Variants in RNF145 observed in about 807,000 individuals in gnomAD.
RNF145 encodes ring finger protein 145.
A neutral mutation model predicts 57.3 loss-of-function variants in RNF145; 12 were observed. That is an observed-to-expected ratio of 0.21 (90% CI 0.13 to 0.34). The LOEUF is 0.34. Among genes scored for constraint, RNF145 ranks in the 10% least tolerant of loss-of-function variants. The pLI, the probability that RNF145 is intolerant of heterozygous loss-of-function variation, is 1.00. For synonymous variants in RNF145, 262 were observed against 288.3 expected, an observed-to-expected ratio of 0.91 and a Z score of 0.92; for missense variants, 429 against 799.0, an observed-to-expected ratio of 0.54 and a Z score of 5.58.
intron 4 of RNF145, among the ~76,000 whole-genome samples, chr5:159,177,871 G>A (rs1315782523): frequency 1.3e-5 from 2 of 151,878 alleles, no homozygotes; most frequent in African/African-American, 2.4e-5. Flanking sequence ...TAACAGCACT[G>A]AACATTATCA....
intron 6 of RNF145, among the ~76,000 whole-genome samples, chr5:159,173,602 A>C (rs1420049187): frequency 1.3e-5 from 2 of 152,216 alleles, no homozygotes; most frequent in Non-Finnish European, 2.9e-5. Flanking sequence ...GGTCGTTGTA[A>C]AGATTAATGT....
chr5:159,209,778 A>G, upstream of RNF145: 1 of 1,403,776 alleles, frequency 7.1e-7, no homozygotes, highest in Non-Finnish European at 9.7e-7. Flanking sequence ...GCGCACTGTG[A>G]CAGGCGCCAT....
In RNF145 at chr5:159,162,995, C is replaced by T; in HGVS notation, c.1206G>A (p.Gln402=). The change falls in exon 9 of 11, where the codon CAG becomes CAA. Residue 402 remains glutamine, a synonymous_variant. Transcript: ENST00000424310. ...GAAGCCAAAAATCCATGTGGAAAAA[C>T]TGGCAAATCATATAAGCCATATAAG... ...FPAYMAYMIC[Q]FFHMDFWLLI... is the part of the protein sequence containing the mutation. The T allele has an allele frequency of 5.6e-6, 9 of 1,613,218 alleles. No individual in the cohort carries two copies. The highest frequency in any genetic ancestry group is 6.8e-6 in the Non-Finnish European group (8 of 1,179,692).
intron 3 of RNF145, among the ~76,000 whole-genome samples, chr5:159,193,749 A>C (rs1427374694): frequency 6.6e-6 from 1 of 152,202 alleles, no homozygotes; most frequent in African/African-American, 2.4e-5. Flanking sequence ...CAACAATGTA[A>C]TTCTAATAAT....
Position 159,187,148 on chromosome 5 carries a change from G to C in RNF145, c.294-5097C>G, listed in dbSNP as rs1180076047. 4.2e-5 allele frequency among the ~76,000 whole-genome samples: 6 copies of C among 143,262 alleles called. No homozygotes were observed. The East Asian group carries it at 1.1e-3, about 27-fold the overall frequency. 94.0% of individuals were successfully genotyped at this position (143,262 alleles called of 152,430 possible). ...ATACAAAAAATTAGCCAGGCGTGGTGGTGGGCACCTGTAATCCCAGCTATT... is the reference window on the plus strand; with the variant it reads ...ATACAAAAAATTAGCCAGGCGTGGTCGTGGGCACCTGTAATCCCAGCTATT... On this transcript the variant is annotated intron_variant, in intron 3 of 10. Transcript: ENST00000424310.
intron 1 of RNF145, among the ~76,000 whole-genome samples, chr5:159,205,978 C>G (rs1469681): frequency 0.054 from 8,291 of 152,202 alleles, 246 homozygotes; most frequent in Middle Eastern, 0.092. Flanking sequence ...GGAAGAAAAA[C>G]TCCCTAATCC....
intron 1 of RNF145, among the ~76,000 whole-genome samples, chr5:159,208,596 T>G (rs1229689264): frequency 6.6e-6 from 1 of 152,010 alleles, no homozygotes; most frequent in African/African-American, 2.4e-5. Context: ...AAAAATGGAC[T>G]GGCAGGCCCT....
intron 2 of RNF145, 77 bp from the exon 3 acceptor site, chr5:159,194,901 C>T: frequency 9.5e-7 from 1 of 1,055,736 alleles, no homozygotes; most frequent in South Asian, 1.6e-5. Flanking sequence ...GAGCTTGAGA[C>T]AAATAATTTT....
intron 3 of RNF145, among the ~76,000 whole-genome samples, chr5:159,187,851 C>A (rs992771144): frequency 2.0e-5 from 3 of 152,140 alleles, no homozygotes; most frequent in Admixed American, 6.5e-5. Context: ...CAGCCCCAAT[C>A]TACAACTTTG....
At chr5:159,201,506 A>G (rs1334167583) in intron 2 of RNF145, among the ~76,000 whole-genome samples, 1 of 152,208 alleles carries the variant, frequency 6.6e-6, no homozygotes, top group Non-Finnish European at 1.5e-5. Context: ...TGCCAACGTA[A>G]AATGCAATCG....
intron 8 of RNF145, among the ~76,000 whole-genome samples, chr5:159,168,408 T>C (rs369596248): frequency 6.6e-6 from 1 of 152,184 alleles, no homozygotes; most frequent in African/African-American, 2.4e-5. Context: ...TGTTTTTCCA[T>C]AAATGTCTAT....
intron 2 of RNF145, among the ~76,000 whole-genome samples, chr5:159,201,990 T>G (rs1022896665): frequency 3.3e-5 from 5 of 152,164 alleles, no homozygotes; most frequent in African/African-American, 1.2e-4. Context: ...CAAAGGTAAC[T>G]CCAACCAAAA....
chr5:159,170,662 A>AT (rs950262376), intron 6 of RNF145, among the ~76,000 whole-genome samples: 1 of 152,166 alleles, frequency 6.6e-6, no homozygotes. Flanking sequence ...TGGTACAATC[A>AT]TAACTCACTG....
At chr5:159,203,868 A>G (rs1169785699) in intron 1 of RNF145, among the ~76,000 whole-genome samples, 2 of 152,184 alleles carry the variant, frequency 1.3e-5, no homozygotes, top group Non-Finnish European at 2.9e-5. Context: ...GTCCAATCTT[A>G]TAATTCTGAT....
intron 1 of RNF145, among the ~76,000 whole-genome samples, chr5:159,205,992 C>A (rs1283521824): frequency 6.6e-6 from 1 of 152,156 alleles, no homozygotes; most frequent in Non-Finnish European, 1.5e-5. Context: ...CTAATCCGTA[C>A]AGAGGATCAT....
rs202036994 is a variant in RNF145 at position 159,169,559 on chromosome 5, CA to C, written c.938+119del. The C allele has an allele frequency of 2.3e-4, 180 of 766,902 alleles. No homozygotes were observed. The East Asian group carries it at 3.8e-3, about 16-fold the overall frequency. The allele number at this position is 766,902 out of a possible 1,614,324, so 47.5% of individuals were successfully genotyped here. On this transcript the variant is annotated intron_variant, in intron 7 of 10. Transcript: ENST00000424310. ...TTTTAACCCAAATGTTGCAACCATT[CA>C]AAAAAAACCTCTCCAATTCCATTTC...
intron 3 of RNF145, among the ~76,000 whole-genome samples, chr5:159,188,243 T>C (rs1037496964): frequency 2.6e-5 from 4 of 151,698 alleles, no homozygotes; most frequent in Admixed American, 6.6e-5. Context: ...AAAAATTAGC[T>C]GGGCATGGTG....
At position 159,158,246 on chromosome 5, in the gene RNF145, T is replaced by C. The variant is rs1011982914; in HGVS notation, c.*424A>G. On this transcript the variant is annotated 3_prime_UTR_variant, in exon 11 of 11. Transcript: ENST00000424310. ...TATTCAGACTTGATAATGAGATTGA[T>C]CTGTCCCATGGAGAGTGAAAGTTCA... 1.1e-5 allele frequency: 2 copies of C among 177,460 alleles called. No individual in the cohort carries two copies. The highest frequency in any genetic ancestry group is 2.4e-5 in the Non-Finnish European group (2 of 81,936). The allele number at this position is 177,460 out of a possible 1,614,324, so 11.0% of individuals were successfully genotyped here.
At chr5:159,170,544 T>C (rs1404264261) in intron 6 of RNF145, among the ~76,000 whole-genome samples, 3 of 152,226 alleles carry the variant, frequency 2.0e-5, no homozygotes, top group Admixed American at 2.0e-4. Flanking sequence ...TATAAATACA[T>C]GTACTATTAT....
Sources: gnomAD v4.1 joint callset for allele counts (sites outside exome capture counted in the v4.1 genomes callset) on GRCh38, gnomAD v4.1.1 for gene constraint, MANE v1.5 for transcripts, NCBI Gene and HGNC (gene_info 2026-07-23, HGNC 2026-07-21) for gene names.